CELF2: variants seen among roughly 807,000 people sequenced by gnomAD.
CELF2 encodes CUG triplet repeat RNA-binding protein 2.
A neutral mutation model predicts 62.6 loss-of-function variants in CELF2; 8 were observed. That is an observed-to-expected ratio of 0.13 (90% CI 0.07 to 0.23). The LOEUF is 0.23. CELF2 is among the 10% of genes least tolerant of loss of function. The probability of loss-of-function intolerance (pLI) is 1.00; values close to 1 mark genes in which losing one functional copy is unlikely to be tolerated. For missense variants in CELF2, 333 were observed against 671.0 expected (o/e 0.50, Z 5.56); for synonymous variants, 258 against 250.0 (o/e 1.03, Z -0.30).
intron 1 of CELF2, among the ~76,000 whole-genome samples, chr10:10,849,669 G>T (rs2059254450): frequency 6.6e-6 from 1 of 152,008 alleles, no homozygotes; most frequent in Non-Finnish European, 1.5e-5. Context: ...AAATTAACAT[G>T]TTATGGTATT....
intron 1 of CELF2, among the ~76,000 whole-genome samples, chr10:10,908,261 C>T (rs955336991): frequency 1.6e-4 from 19 of 119,558 alleles, no homozygotes; most frequent in Admixed American, 5.6e-4. Context: ...GCTCTGTCGC[C>T]GAGGCTGGAG....
At chr10:10,548,103 G>C in the CELF2 span, among the ~76,000 whole-genome samples, 1 of 152,164 alleles carries the variant, frequency 6.6e-6, no homozygotes, top group Admixed American at 6.5e-5. Context: ...GGGGCCATTG[G>C]TTTCAGTCCT....
the CELF2 span, among the ~76,000 whole-genome samples, chr10:10,632,043 G>C: frequency 1.3e-5 from 2 of 152,130 alleles, no homozygotes; most frequent in Admixed American, 1.3e-4. Context: ...GCACACAGCA[G>C]GTGTCCCTAT....
the CELF2 span, among the ~76,000 whole-genome samples, chr10:10,735,668 G>A: frequency 6.6e-6 from 1 of 152,140 alleles, no homozygotes; most frequent in Non-Finnish European, 1.5e-5. Context: ...TAAAGAAGTA[G>A]CTTCTTATTT....
intron 2 of CELF2, among the ~76,000 whole-genome samples, chr10:10,971,603 TACAG>T (rs2050762798): frequency 6.6e-6 from 1 of 152,318 alleles, no homozygotes; most frequent in African/African-American, 2.4e-5. Context: ...TTGTTTTGTT[TACAG>T]ACAGAGTTTC....
At position 10,856,244 on chromosome 10, in the gene CELF2, C is replaced by T. The variant is rs118093332; in HGVS notation, c.53+57427C>T. Among the ~76,000 whole-genome samples, 498 of 152,154 alleles carry T rather than the reference C, an allele frequency of 3.3e-3. 1 individual carries two copies. The highest frequency in any genetic ancestry group is 5.1e-3 in the Non-Finnish European group (348 of 68,006). On this transcript the variant is annotated intron_variant, in intron 1 of 13. Coordinates refer to the CELF2 transcript ENST00000636488. ...TTAGATATTAATTGCATTTTCACAC[C>T]GGATCGCGTTGTTTTCCTGAGTGGA...
Position 11,067,503 on chromosome 10 carries a change from C to T in CELF2, c.74+49340C>T, listed in dbSNP as rs150585947. Among the ~76,000 whole-genome samples the T allele has an allele frequency of 3.3e-3, 499 of 152,180 alleles. 1 individual carries two copies. Among genetic ancestry groups the T allele is most frequent in the East Asian group, 0.013 (69 of 5,186 alleles). On this transcript the variant is annotated intron_variant, in intron 1 of 12. Coordinates refer to ENST00000633077, the MANE Select transcript of CELF2 (RefSeq NM_001326342.2). Reference sequence around the variant, plus strand: ...AGAACGCTTCTAAGTGCCTGTGTGGCGTATATTCTACTTTAAATAAAATTC... The same window carrying T: ...AGAACGCTTCTAAGTGCCTGTGTGGTGTATATTCTACTTTAAATAAAATTC...
the CELF2 span, among the ~76,000 whole-genome samples, chr10:10,600,281 T>G: frequency 6.6e-6 from 1 of 152,216 alleles, no homozygotes; most frequent in African/African-American, 2.4e-5. Flanking sequence ...TGTGGGGCAT[T>G]TGAGTCAATT....
intron 2 of CELF2, among the ~76,000 whole-genome samples, chr10:10,933,037 G>T (rs4750009): frequency 6.6e-6 from 1 of 151,922 alleles, no homozygotes; most frequent in Non-Finnish European, 1.5e-5. Flanking sequence ...GCTCATGCCT[G>T]TAATCCCAGC....
intron 2 of CELF2, among the ~76,000 whole-genome samples, chr10:11,186,299 T>C (rs901284311): frequency 5.0e-5 from 7 of 141,410 alleles, no homozygotes; most frequent in Non-Finnish European, 1.5e-5. Context: ...TTTGTTGCTT[T>C]TTTTTTTTTT....
intron 1 of CELF2, among the ~76,000 whole-genome samples, chr10:11,063,672 C>A (rs1369115038): frequency 6.6e-6 from 1 of 152,166 alleles, no homozygotes; most frequent in African/African-American, 2.4e-5. Context: ...TTTAAATAAA[C>A]CCTTTTTTTG....
intron 2 of CELF2, among the ~76,000 whole-genome samples, chr10:10,986,707 A>G (rs2052795604): frequency 1.3e-5 from 2 of 152,238 alleles, no homozygotes; most frequent in African/African-American, 4.8e-5. Context: ...TAAAGTGATG[A>G]TGGCACAACT....
At chr10:10,728,524 G>A in the CELF2 span, among the ~76,000 whole-genome samples, 2 of 151,898 alleles carry the variant, frequency 1.3e-5, no homozygotes, top group African/African-American at 2.4e-5. Context: ...AAGCACCCAG[G>A]AAGGCCTGGC....
At position 11,325,496 on chromosome 10, in the gene CELF2, A is replaced by C. The variant is rs548829816; in HGVS notation, c.1295-340A>C. Among the ~76,000 whole-genome samples, 9 of 152,340 alleles carry C rather than the reference A, an allele frequency of 5.9e-5. No individual in the cohort carries two copies. In the East Asian group the frequency reaches 1.7e-3, roughly 29 times the overall value. On this transcript the variant is annotated intron_variant, in intron 11 of 12. Transcript: ENST00000633077. Reference sequence around the variant, plus strand: ...ACCTGAGAAAATACGGCCACCCAAGAAAAACCCATGCCAAGATTATCTGTC... The same window carrying C: ...ACCTGAGAAAATACGGCCACCCAAGCAAAACCCATGCCAAGATTATCTGTC...
At chr10:10,738,255 A>G in the CELF2 span, among the ~76,000 whole-genome samples, 1 of 152,252 alleles carries the variant, frequency 6.6e-6, no homozygotes, top group Non-Finnish European at 1.5e-5. Context: ...AAAACCCTTT[A>G]GATGTTTAAC....
chr10:10,524,424 GGTT>G, the CELF2 span, among the ~76,000 whole-genome samples: 2 of 150,064 alleles, frequency 1.3e-5, no homozygotes, highest in Non-Finnish European at 3.0e-5. Flanking sequence ...TATGAACACA[GGTT>G]CACAGGCCTC....
upstream of CELF2, among the ~76,000 whole-genome samples, chr10:10,795,140 G>A (rs1053804686): frequency 3.3e-5 from 5 of 152,022 alleles, no homozygotes; most frequent in Non-Finnish European, 7.4e-5. Flanking sequence ...GGAAGGGGGA[G>A]GGAGATCACA....
intron 1 of CELF2, among the ~76,000 whole-genome samples, chr10:10,839,056 G>C (rs1020698763): frequency 3.9e-5 from 6 of 152,156 alleles, no homozygotes; most frequent in Admixed American, 3.3e-4. Flanking sequence ...TGAAGCAGGA[G>C]AATTGCTTGA....
At chr10:10,759,024 C>T in the CELF2 span, among the ~76,000 whole-genome samples, 3 of 152,202 alleles carry the variant, frequency 2.0e-5, no homozygotes, top group Non-Finnish European at 4.4e-5. Flanking sequence ...CAAAAGCTGA[C>T]ATTCAGCTTC....
Sources: allele counts gnomAD v4.1 joint callset (sites outside exome capture counted in the v4.1 genomes callset), GRCh38; gene constraint gnomAD v4.1.1; transcripts MANE v1.5; gene names NCBI Gene and HGNC (gene_info 2026-07-23, HGNC 2026-07-21).